The following APOA1 variants were observed in gnomAD, a reference collection of about 807,000 sequenced individuals.
The protein encoded by APOA1 is apolipoprotein A1, also known as apolipoprotein A-I.
Under a neutral mutation model 25.9 loss-of-function variants are expected in APOA1, and 22 were observed. That is an observed-to-expected ratio of 0.85 (90% CI 0.61 to 1.21). APOA1 has a LOEUF of 1.21. Ranked by LOEUF, APOA1 falls within the 50% of genes most tolerant of loss-of-function variation. The pLI, the probability that APOA1 is intolerant of heterozygous loss-of-function variation, is 0.00. For missense variants in APOA1, 351 were observed against 347.9 expected, an observed-to-expected ratio of 1.01 and a Z score of -0.07; for synonymous variants, 163 against 152.2, an observed-to-expected ratio of 1.07 and a Z score of -0.52.
In APOA1 at chr11:116,835,986, C is replaced by A; in HGVS notation, c.626G>T (p.Gly209Val). Residue 209 changes from glycine to valine, a missense_variant, in exon 4 of 4, where the codon GGC (glycine) becomes GTC (valine). Transcript: ENST00000236850. Reference protein sequence around the residue: ...AARLEALKENGGARLAEYHAK... With the variant: ...AARLEALKENVGARLAEYHAK... Reference sequence around the variant, plus strand: ...GTGGTACTCGGCCAGTCTGGCGCCGCCGTTCTCCTTGAGAGCCTCAAGGCG... The same window carrying A: ...GTGGTACTCGGCCAGTCTGGCGCCGACGTTCTCCTTGAGAGCCTCAAGGCG... The A allele has an allele frequency of 6.2e-7, 1 of 1,609,858 alleles. No individual in the cohort carries two copies. The highest frequency in any genetic ancestry group is 2.2e-5 in the East Asian group (1 of 44,854).
At chr11:116,837,217 G>C in intron 2 of APOA1, 60 bp from the exon 3 acceptor site, 3 of 1,606,198 alleles carry the variant, frequency 1.9e-6, no homozygotes, top group Non-Finnish European at 2.6e-6. Flanking sequence ...TGAGCCGAAA[G>C]GCCAAGCTTG....
At position 116,836,136 on chromosome 11, in the gene APOA1, T is replaced by C; in HGVS notation, c.476A>G (p.His159Arg). The C allele has an allele frequency of 1.2e-6, 2 of 1,613,042 alleles. No individual in the cohort carries two copies. The highest frequency in any genetic ancestry group is 1.7e-6 in the Non-Finnish European group (2 of 1,179,992). Residue 159 changes from histidine to arginine, a missense_variant, in exon 4 of 4, where the codon CAC (histidine) becomes CGC (arginine). By Grantham distance (29) the His-to-Arg change is conservative (BLOSUM62 0). Coordinates refer to ENST00000236850, the MANE Select transcript of APOA1 (RefSeq NM_000039.3). ...ELQEGARQKL[H>R]ELQEKLSPLG... ...TGGGCTCAGCTTCTCTTGCAGCTCG[T>C]GCAGCTTCTGGCGCGCGCCCTCTTG...
intron 2 of APOA1, 35 bp downstream of exon 2, chr11:116,837,289 GGGATTTAGGGAGAAAGCCCCC>G: frequency 6.3e-7 from 1 of 1,590,198 alleles, no homozygotes; most frequent in South Asian, 1.1e-5. Context: ...GTGGGCCACG[GGGATTTAGGGAGAAAGCCCCC>G]CGATGGTTGG....
intron 2 of APOA1, 63 bp downstream of exon 2, chr11:116,837,282 G>C: frequency 6.3e-7 from 1 of 1,592,324 alleles, no homozygotes; most frequent in African/African-American, 1.3e-5. Flanking sequence ...CAGGAGGGTG[G>C]GCCACGGGGA....
At chr11:116,836,561 C>T (rs112450237) in intron 3 of APOA1, 150 bp from the exon 4 acceptor site, 1 of 1,118,790 alleles carries the variant, frequency 8.9e-7, no homozygotes, top group African/African-American at 1.5e-5. Context: ...CCAGGCCATG[C>T]CCCGTTGTGC....
intron 3 of APOA1, among the ~76,000 whole-genome samples, chr11:116,836,708 CCA>C (rs1313263435): frequency 6.6e-6 from 1 of 152,228 alleles, no homozygotes; most frequent in Non-Finnish European, 1.5e-5. Flanking sequence ...CGAAGACAGC[CCA>C]CAGTCTTGCT....
chr11:116,836,485 C>G (rs948017721), intron 3 of APOA1, 74 bp from the exon 4 acceptor site: 2 of 1,585,680 alleles, frequency 1.3e-6, no homozygotes, highest in African/African-American at 1.3e-5. Context: ...CCCTGGGTGA[C>G]ACCTGTCCGC....
rs187335584 is a variant in APOA1, at chr11:116,835,789, G to C, written c.*19C>G. ...AACGTTTATTCTGAGCACCGGGAAG[G>C]GGGGCGGCGGCGGGCGCCTCACTGG... On this transcript the variant is annotated 3_prime_UTR_variant, in exon 4 of 4. Transcript: ENST00000236850. The C allele has an allele frequency of 3.9e-4, 622 of 1,613,034 alleles. 5 individuals are homozygous for C. Among genetic ancestry groups the C allele is most frequent in the South Asian group, 3.7e-3 (338 of 91,038 alleles).
chr11:116,837,253 G>A, intron 2 of APOA1, 92 bp downstream of exon 2: 1 of 1,584,584 alleles, frequency 6.3e-7, no homozygotes, highest in Admixed American at 1.7e-5. Flanking sequence ...GGGCCAGTGA[G>A]AAACCTGCTG....
chr11:116,836,411 G>T lies in APOA1; in HGVS notation c.201C>A (p.Asn67Lys), dbSNP rs746552681. The T allele has an allele frequency of 3.1e-6, 5 of 1,613,580 alleles. No homozygotes were observed. Among genetic ancestry groups the T allele is most frequent in the Non-Finnish European group, 3.4e-6 (4 of 1,180,032 alleles). ...TGTCCCAGTTGTCAAGGAGCTTTAGGCTGGAGGGTGAGACAGAAGGGTTGA... is the reference window on the plus strand; with the variant it reads ...TGTCCCAGTTGTCAAGGAGCTTTAGTCTGGAGGGTGAGACAGAAGGGTTGA... ...FEGSALGKQL[N>K]LKLLDNWDSV... Residue 67 changes from asparagine (N) to lysine (K), a missense_variant and splice_region_variant, in exon 4 of 4, where the codon AAC becomes AAA. By Grantham distance (94) the Asn-to-Lys change is moderately conservative (BLOSUM62 0). Coordinates refer to ENST00000236850, the MANE Select transcript of APOA1 (RefSeq NM_000039.3).
chr11:116,835,782 C>T lies in APOA1; in HGVS notation c.*26G>A, dbSNP rs1565338333. The stretch of plus-strand genomic sequence containing the variant: ...CTTTGGAAACGTTTATTCTGAGCAC[C>T]GGGAAGGGGGGCGGCGGCGGGCGCC... On this transcript the variant is annotated 3_prime_UTR_variant, in exon 4 of 4. Coordinates refer to ENST00000236850, the MANE Select transcript of APOA1 (RefSeq NM_000039.3). 2 of 1,612,970 alleles carry T rather than the reference C, an allele frequency of 1.2e-6. No individual in the cohort carries two copies. The highest frequency in any genetic ancestry group is 1.7e-6 in the Non-Finnish European group (2 of 1,179,988).
chr11:116,837,056 T>G lies in APOA1; in HGVS notation c.145A>C (p.Ser49Arg), dbSNP rs780794079. The change falls in exon 3 of 4, where the codon AGC (serine) becomes CGC (arginine). Residue 49 changes from serine (S) to arginine (R), a missense_variant. Coordinates refer to ENST00000236850, the MANE Select transcript of APOA1 (RefSeq NM_000039.3). The stretch of plus-strand genomic sequence containing the variant: ...AACTGGGACACATAGTCTCTGCCGC[T>G]GTCTTTGAGCACATCCACGTACACA... ...ATVYVDVLKD[S>R]GRDYVSQFEG... The G allele has an allele frequency of 6.2e-7, 1 of 1,614,220 alleles. No individual in the cohort carries two copies. The highest frequency in any genetic ancestry group is 8.5e-7 in the Non-Finnish European group (1 of 1,180,046).
At chr11:116,836,550 G>T in intron 3 of APOA1, 139 bp from the exon 4 acceptor site, 8 of 1,165,480 alleles carry the variant, frequency 6.9e-6, no homozygotes, top group Non-Finnish European at 9.9e-6. Context: ...CCCCTGCCCC[G>T]CCAGGCCATG....
rs148950234 is a variant in APOA1, at chr11:116,836,297, G to A, written c.315C>T (p.Gly105=). ...FWDNLEKETE[G]LRQEMSKDLE... ...GATCCTTGCTCATCTCCTGCCTCAG[G>A]CCCTCTGTCTCCTTTTCCAGGTTAT... The change falls in exon 4 of 4, where the codon GGC becomes GGT. Residue 105 remains glycine, a synonymous_variant. Transcript: ENST00000236850. 89 of 1,614,172 alleles carry A rather than the reference G, an allele frequency of 5.5e-5. 1 individual carries two copies. The African/African-American group carries it at 9.6e-4, about 17-fold the overall frequency.
chr11:116,836,134 C>G lies in APOA1; in HGVS notation c.478G>C (p.Glu160Gln), dbSNP rs121912718. 5.0e-6 allele frequency: 8 copies of G among 1,612,984 alleles called. No individual in the cohort carries two copies. In the African/African-American group the frequency reaches 6.7e-5, roughly 13 times the overall value. Residue 160 changes from glutamate to glutamine, a missense_variant, in exon 4 of 4, where the codon GAG becomes CAG. By Grantham distance (29) the Glu-to-Gln change is conservative. Coordinates refer to ENST00000236850, the MANE Select transcript of APOA1 (RefSeq NM_000039.3). Reference protein sequence around the residue: ...LQEGARQKLHELQEKLSPLGE... With the variant: ...LQEGARQKLHQLQEKLSPLGE... ...AGTGGGCTCAGCTTCTCTTGCAGCT[C>G]GTGCAGCTTCTGGCGCGCGCCCTCT...
chr11:116,836,453 G>T (rs201232147), intron 3 of APOA1, 42 bp from the exon 4 acceptor site: 1 of 1,609,044 alleles, frequency 6.2e-7, no homozygotes. Flanking sequence ...GCCTCCCAGC[G>T]CCCCAGCCTA....
At position 116,835,925 on chromosome 11, in the gene APOA1, C is replaced by G. The variant is rs1395972427; in HGVS notation, c.687G>C (p.Glu229Asp). 3 of 1,613,088 alleles carry G rather than the reference C, an allele frequency of 1.9e-6. No homozygotes were observed. The Admixed American group carries it at 5.0e-5, about 27-fold the overall frequency. ...GGTCCTCGAGCGCGGGCTTGGCCTT[C>G]TCGCTGAGCGTGCTCAGATGCTCGG... ...KATEHLSTLS[E>D]KAKPALEDLR... The change falls in exon 4 of 4, where the codon GAG becomes GAC. Residue 229 changes from glutamate (E) to aspartate (D), a missense_variant. By Grantham distance (45) the Glu-to-Asp change is conservative. Transcript: ENST00000236850.
Position 116,837,146 on chromosome 11 carries a change from G to A in APOA1, c.55C>T (p.Arg19Trp), listed in dbSNP as rs371084971. The A allele has an allele frequency of 3.1e-5, 50 of 1,612,474 alleles. No homozygotes were observed. Among genetic ancestry groups the A allele is most frequent in the Non-Finnish European group, 3.8e-5 (45 of 1,178,956 alleles). The change falls in exon 3 of 4, where the codon CGG (arginine) becomes TGG (tryptophan). Residue 19 changes from arginine (R) to tryptophan (W), a missense_variant. Transcript: ENST00000236850. ...GGTTCATCTTGCTGCCAGAAATGCC[G>A]AGCCTGGCTCCCTGAGGGTGGGAGG... is the stretch of plus-strand genomic sequence containing the variant. ...AVLFLTGSQA[R>W]HFWQQDEPPQ...
chr11:116,836,221 T>G lies in APOA1; in HGVS notation c.391A>C (p.Lys131Gln). 1 of 1,613,166 alleles carries G rather than the reference T, an allele frequency of 6.2e-7. No individual in the cohort carries two copies. The highest frequency in any genetic ancestry group is 8.5e-7 in the Non-Finnish European group (1 of 1,179,226). Residue 131 changes from lysine (K) to glutamine (Q), a missense_variant, in exon 4 of 4, where the codon AAG becomes CAG. Physicochemically the swap from Lys to Gln is moderately conservative, Grantham distance 53. Transcript: ENST00000236850. ...VQPYLDDFQK[K>Q]WQEEMELYRQ... The stretch of plus-strand genomic sequence containing the variant: ...TAGAGCTCCATCTCCTCCTGCCACT[T>G]CTTCTGGAAGTCGTCCAGGTAGGGC...
Sources: gnomAD v4.1 joint callset for allele counts (sites outside exome capture counted in the v4.1 genomes callset) on GRCh38, gnomAD v4.1.1 for gene constraint, MANE v1.5 for transcripts, NCBI Gene and HGNC (gene_info 2026-07-23, HGNC 2026-07-21) for gene names.